KIFAP3: variants seen among roughly 807,000 people sequenced by gnomAD.
KIFAP3 encodes the protein kinesin-associated protein 3.
In KIFAP3, 68 loss-of-function variants were observed where a neutral mutation model predicts 106.5. That is an observed-to-expected ratio of 0.64 (90% confidence interval 0.53 to 0.78). KIFAP3 has a LOEUF of 0.78. KIFAP3 is among the 30% of genes least tolerant of loss of function. The pLI is 0.00. For synonymous variants in KIFAP3, 320 were observed against 311.5 expected, an observed-to-expected ratio of 1.03 and a Z score of -0.29; for missense variants, 780 against 941.8, an observed-to-expected ratio of 0.83 and a Z score of 2.25.
chr1:170,039,157 T>G, intron 4 of KIFAP3, 76 bp downstream of exon 4: 1 of 753,856 alleles, frequency 1.3e-6, no homozygotes, highest in South Asian at 2.2e-5. Flanking sequence ...TTAATGTGAT[T>G]GTGTGTATTA....
upstream of KIFAP3, among the ~76,000 whole-genome samples, chr1:170,079,595 T>C (rs751659964): frequency 3.3e-5 from 5 of 152,194 alleles, no homozygotes; most frequent in Non-Finnish European, 7.4e-5. Flanking sequence ...GGTTTACTTC[T>C]GGGTTCTCTA....
In KIFAP3 at chr1:169,954,107, C is replaced by T; in HGVS notation, c.2177G>A (p.Gly726Glu). The change falls in exon 19 of 20, where the codon GGA becomes GAA. Residue 726 changes from glycine to glutamate, a missense_variant. This residue lies in a region of KIFAP3 where 114 missense variants were observed against 122.3 expected (regional missense o/e 0.93). Transcript: ENST00000361580. ...TATGGCTCCTTCAGAGGCAATTAAT[C>T]CATCTAGAAAGAAAAAAAAATGGTA... Reference protein sequence around the residue: ...ERPDLFYNSDGLIASEGAISP... With the variant: ...ERPDLFYNSDELIASEGAISP... 6.2e-7 allele frequency: 1 copy of T among 1,602,562 alleles called. No homozygotes were observed. Among genetic ancestry groups the T allele is most frequent in the Non-Finnish European group, 8.5e-7 (1 of 1,170,108 alleles).
intron 10 of KIFAP3, among the ~76,000 whole-genome samples, chr1:170,009,951 A>G (rs1407257473): frequency 1.3e-5 from 2 of 152,302 alleles, no homozygotes; most frequent in East Asian, 1.9e-4. Context: ...AGTAAAGCCA[A>G]GTTTTGTAAG....
chr1:170,048,901 C>T (rs771661451), intron 2 of KIFAP3, among the ~76,000 whole-genome samples: 47 of 152,118 alleles, frequency 3.1e-4, no homozygotes, highest in Middle Eastern at 3.2e-3. Flanking sequence ...AACTGGGTGG[C>T]TGTTTGGGCA....
chr1:169,934,966 A>G (rs1409443994), intron 19 of KIFAP3, among the ~76,000 whole-genome samples: 1 of 152,110 alleles, frequency 6.6e-6, no homozygotes. Flanking sequence ...AGAATGAGGT[A>G]AATTATAATA....
At chr1:170,043,734 G>A (rs1670099598) in intron 3 of KIFAP3, among the ~76,000 whole-genome samples, 1 of 152,118 alleles carries the variant, frequency 6.6e-6, no homozygotes, top group Non-Finnish European at 1.5e-5. Flanking sequence ...GTAAAAATAA[G>A]GGGAAAAGAA....
intron 15 of KIFAP3, 52 bp from the exon 16 acceptor site, chr1:169,978,235 T>G (rs1666331944): frequency 8.7e-7 from 1 of 1,149,112 alleles, no homozygotes; most frequent in South Asian, 1.3e-5. Context: ...ATATACCAAA[T>G]TTAAAATAAT....
At chr1:169,999,049 A>C (rs1667530982) in intron 10 of KIFAP3, among the ~76,000 whole-genome samples, 1 of 152,226 alleles carries the variant, frequency 6.6e-6, no homozygotes, top group African/African-American at 2.4e-5. Flanking sequence ...AACATTTAAT[A>C]TTACGACTTA....
intron 16 of KIFAP3, among the ~76,000 whole-genome samples, chr1:169,975,489 G>A (rs1666176551): frequency 6.6e-6 from 1 of 151,878 alleles, no homozygotes; most frequent in Non-Finnish European, 1.5e-5. Flanking sequence ...TAAAGGTTAT[G>A]GTGAAATAAA....
chr1:169,946,318 T>C (rs1475603869), intron 19 of KIFAP3, among the ~76,000 whole-genome samples: 1 of 152,182 alleles, frequency 6.6e-6, no homozygotes, highest in Non-Finnish European at 1.5e-5. Context: ...CTTAGCTGCT[T>C]GCTTCCAAGC....
rs527863852 is a variant in KIFAP3 at position 170,010,938 on chromosome 1, C to CTA, written c.1183+5522_1183+5523dup. 2.0e-5 allele frequency among the ~76,000 whole-genome samples: 3 copies of CTA among 151,942 alleles called. No individual in the cohort carries two copies. In the South Asian group the frequency reaches 6.2e-4, roughly 32 times the overall value. ...ACACCTCTTAAAAAATAAGTAATTT[C>CTA]TATATATGAAATAGGTAATTCTTTA... On this transcript the variant is annotated intron_variant, in intron 10 of 19. Transcript: ENST00000361580.
intron 19 of KIFAP3, among the ~76,000 whole-genome samples, chr1:169,924,417 ACT>A (rs1230764357): frequency 6.6e-6 from 1 of 152,198 alleles, no homozygotes; most frequent in Non-Finnish European, 1.5e-5. Flanking sequence ...TTGAAACCAA[ACT>A]CTAAAATGAT....
chr1:169,930,747 T>C (rs1663416869), intron 19 of KIFAP3, among the ~76,000 whole-genome samples: 1 of 152,136 alleles, frequency 6.6e-6, no homozygotes, highest in Non-Finnish European at 1.5e-5. Flanking sequence ...TTCCGGTTGG[T>C]GTTTTTTTGT....
intron 1 of KIFAP3, among the ~76,000 whole-genome samples, chr1:170,062,175 T>A (rs1335013068): frequency 4.7e-5 from 4 of 85,550 alleles, no homozygotes; most frequent in African/African-American, 8.8e-5. Flanking sequence ...AAAAAAAGAG[T>A]AAAATAAATA....
chr1:170,025,076 T>A (rs1262333083), intron 8 of KIFAP3, among the ~76,000 whole-genome samples: 3 of 152,294 alleles, frequency 2.0e-5, no homozygotes, highest in East Asian at 3.9e-4. Flanking sequence ...CAGCTAAATT[T>A]GAGCCTACTA....
intron 17 of KIFAP3, among the ~76,000 whole-genome samples, chr1:169,968,068 T>C (rs1167060269): frequency 1.3e-5 from 2 of 151,880 alleles, no homozygotes; most frequent in African/African-American, 2.4e-5. Flanking sequence ...CACCCTGGTG[T>C]CTTGGCTTTG....
intron 10 of KIFAP3, among the ~76,000 whole-genome samples, chr1:170,011,169 CCA>C (rs1668225302): frequency 6.6e-6 from 1 of 151,828 alleles, no homozygotes; most frequent in Non-Finnish European, 1.5e-5. Context: ...GTAAATCACT[CCA>C]GTTATTTGCC....
intron 10 of KIFAP3, among the ~76,000 whole-genome samples, chr1:169,994,402 T>A (rs1356906119): frequency 1.3e-5 from 2 of 152,188 alleles, no homozygotes; most frequent in Non-Finnish European, 2.9e-5. Flanking sequence ...TTATCAGGTA[T>A]AAAAGACTGA....
At chr1:169,947,291 G>C (rs1187048582) in intron 19 of KIFAP3, among the ~76,000 whole-genome samples, 2 of 151,900 alleles carry the variant, frequency 1.3e-5, no homozygotes, top group Non-Finnish European at 2.9e-5. Flanking sequence ...AGTATTTTTA[G>C]ATCAAATCAT....
Sources: allele counts gnomAD v4.1 joint callset (sites outside exome capture counted in the v4.1 genomes callset), GRCh38; gene constraint gnomAD v4.1.1; regional missense constraint gnomAD v4.1.1; transcripts MANE v1.5; gene names NCBI Gene and HGNC (gene_info 2026-07-23, HGNC 2026-07-21).